EYS: variants seen among roughly 807,000 people sequenced by gnomAD.
The protein encoded by EYS is EGF-like photoreceptor maintenance factor, also known as protein eyes shut homolog.
Under a neutral mutation model 282.1 loss-of-function variants are expected in EYS, and 250 were observed. That is an observed-to-expected ratio of 0.89 (90% CI 0.80 to 0.98). The LOEUF is 0.98. EYS is among the 50% of genes least tolerant of loss of function. The pLI, the probability that EYS is intolerant of heterozygous loss-of-function variation, is 0.00. For synonymous variants in EYS, 1,355 were observed against 1,282.9 expected (o/e 1.06, Z -1.20); for missense variants, 4,016 against 3,709.0 (o/e 1.08, Z -2.15).
intron 2 of EYS, among the ~76,000 whole-genome samples, chr6:65,561,260 T>C (rs1182103216): frequency 1.3e-5 from 2 of 152,140 alleles, no homozygotes; most frequent in African/African-American, 4.8e-5. Context: ...ATGTAAGCTC[T>C]ACTATTAACA....
intron 35 of EYS, among the ~76,000 whole-genome samples, chr6:63,978,959 TG>T (rs1162652408): frequency 2.0e-5 from 3 of 151,912 alleles, no homozygotes; most frequent in African/African-American, 7.2e-5. Context: ...TCTGTTCACA[TG>T]GGGTACTGAG....
chr6:63,807,743 C>T (rs919954130), intron 36 of EYS, among the ~76,000 whole-genome samples: 1 of 152,050 alleles, frequency 6.6e-6, no homozygotes, highest in African/African-American at 2.4e-5. Context: ...AGACATATTG[C>T]TTCTTATACT....
chr6:64,931,950 T>A (rs1314050277), intron 15 of EYS, among the ~76,000 whole-genome samples: 8 of 152,104 alleles, frequency 5.3e-5, no homozygotes, highest in Non-Finnish European at 1.0e-4. Flanking sequence ...GATAGAATCA[T>A]TTCTGTAATA....
intron 22 of EYS, among the ~76,000 whole-genome samples, chr6:64,770,833 G>C (rs576199257): frequency 7.9e-5 from 12 of 151,946 alleles, no homozygotes; most frequent in Non-Finnish European, 1.8e-4. Context: ...TGTGACATTA[G>C]AGCCCGTCTT....
At chr6:65,052,213 A>G (rs1773292458) in intron 13 of EYS, among the ~76,000 whole-genome samples, 1 of 151,482 alleles carries the variant, frequency 6.6e-6, no homozygotes, top group Admixed American at 6.6e-5. Context: ...GTTCTGGGGG[A>G]AAGATGAGTA....
chr6:64,394,078 T>C (rs1773264098), intron 28 of EYS, among the ~76,000 whole-genome samples: 1 of 152,066 alleles, frequency 6.6e-6, no homozygotes, highest in South Asian at 2.1e-4. Context: ...TTACAAGGGA[T>C]GTGAAGGACC....
intron 2 of EYS, among the ~76,000 whole-genome samples, chr6:65,561,238 T>C (rs1769045829): frequency 6.6e-6 from 1 of 152,136 alleles, no homozygotes; most frequent in South Asian, 2.1e-4. Flanking sequence ...AAACTCCATG[T>C]TGGATATTTT....
intron 13 of EYS, among the ~76,000 whole-genome samples, chr6:65,043,250 A>C (rs1291289147): frequency 6.6e-6 from 1 of 151,578 alleles, no homozygotes; most frequent in Non-Finnish European, 1.5e-5. Flanking sequence ...TGAAATATAC[A>C]CATGTAGTAA....
intron 19 of EYS, among the ~76,000 whole-genome samples, chr6:64,886,030 A>G (rs558660574): frequency 4.0e-5 from 6 of 151,576 alleles, no homozygotes; most frequent in Non-Finnish European, 8.8e-5. Flanking sequence ...CTCTGTGGGA[A>G]TTGTCTGAAA....
At chr6:65,474,600 G>C (rs1765333714) in intron 5 of EYS, among the ~76,000 whole-genome samples, 1 of 152,092 alleles carries the variant, frequency 6.6e-6, no homozygotes, top group Admixed American at 6.6e-5. Flanking sequence ...TCTTCCAACA[G>C]ATAGCATCAG....
chr6:65,605,009 A>ATTT lies in EYS; in HGVS notation c.-333+34766_-333+34768dup, dbSNP rs10626958. Among the ~76,000 whole-genome samples, 110 of 136,730 alleles carry ATTT rather than the reference A, an allele frequency of 8.0e-4. 2 individuals are homozygous for ATTT. Among genetic ancestry groups the ATTT allele is most frequent in the South Asian group, 3.0e-3 (13 of 4,276 alleles). The allele number at this position is 136,730 out of a possible 152,430, so 89.7% of individuals were successfully genotyped here. A position where few individuals can be genotyped will look rare whatever the true frequency, so the allele number is the denominator to read the frequency against. Reference sequence around the variant, plus strand: ...AACATATGGCCGACCATGCCCAGCTATTTTTTTTTTTTTTTGTAGAGACGG... The same window carrying ATTT: ...AACATATGGCCGACCATGCCCAGCTATTTTTTTTTTTTTTTTTTGTAGAGACGG... On this transcript the variant is annotated intron_variant, in intron 2 of 42. Coordinates refer to ENST00000503581, the MANE Select transcript of EYS (RefSeq NM_001142800.2).
At chr6:64,000,471 A>G (rs1167982076) in intron 33 of EYS, among the ~76,000 whole-genome samples, 1 of 151,586 alleles carries the variant, frequency 6.6e-6, no homozygotes, top group African/African-American at 2.4e-5. Context: ...AAGTGCTAGG[A>G]TTACAGGCGT....
intron 35 of EYS, among the ~76,000 whole-genome samples, chr6:63,883,521 A>T (rs1773186879): frequency 6.6e-6 from 1 of 152,190 alleles, no homozygotes; most frequent in Non-Finnish European, 1.5e-5. Flanking sequence ...CTTTAGGTGA[A>T]CACTTCTTGC....
chr6:64,148,771 A>T (rs1774606131), intron 31 of EYS, among the ~76,000 whole-genome samples: 1 of 152,160 alleles, frequency 6.6e-6, no homozygotes, highest in Non-Finnish European at 1.5e-5. Flanking sequence ...GTTAATAGTG[A>T]TCCAGTTGGA....
chr6:65,309,569 A>G (rs1769100764), intron 11 of EYS, among the ~76,000 whole-genome samples: 1 of 152,228 alleles, frequency 6.6e-6, no homozygotes, highest in Non-Finnish European at 1.5e-5. Context: ...GGACTTTTAA[A>G]TAAGTAAACA....
chr6:65,073,109 T>C (rs575727589), intron 12 of EYS, among the ~76,000 whole-genome samples: 1 of 151,794 alleles, frequency 6.6e-6, no homozygotes, highest in Admixed American at 6.6e-5. Flanking sequence ...AGATATATTC[T>C]AATAAAATAA....
chr6:65,343,881 C>T (rs1770291396), intron 10 of EYS, among the ~76,000 whole-genome samples, 157 bp downstream of exon 10: 1 of 151,476 alleles, frequency 6.6e-6, no homozygotes, highest in Admixed American at 6.6e-5. Context: ...TCCAAGTAGA[C>T]TGTTGAGAAT....
intron 16 of EYS, among the ~76,000 whole-genome samples, chr6:64,909,572 T>A (rs1767929432): frequency 6.6e-6 from 1 of 152,110 alleles, no homozygotes; most frequent in Non-Finnish European, 1.5e-5. Context: ...CTCTTTTGCC[T>A]CCTCATTTTC....
At chr6:65,084,216 C>T (rs1440608015) in intron 12 of EYS, among the ~76,000 whole-genome samples, 1 of 152,072 alleles carries the variant, frequency 6.6e-6, no homozygotes, top group Non-Finnish European at 1.5e-5. Flanking sequence ...CTTCTGAAAA[C>T]ATTCTTTTTC....
Sources: gnomAD v4.1 joint callset for allele counts (sites outside exome capture counted in the v4.1 genomes callset) on GRCh38, gnomAD v4.1.1 for gene constraint, MANE v1.5 for transcripts, NCBI Gene and HGNC (gene_info 2026-07-23, HGNC 2026-07-21) for gene names.